RASSF2: variants seen among roughly 807,000 people sequenced by gnomAD.
RASSF2 encodes the protein Ras association domain family member 2.
Under a neutral mutation model 46.3 loss-of-function variants are expected in RASSF2, and 34 were observed. That is an observed-to-expected ratio of 0.73 (90% confidence interval 0.56 to 0.98). The LOEUF is 0.98. Ranked by LOEUF, RASSF2 falls within the 50% of genes least tolerant of loss-of-function variation. RASSF2 has a pLI of 0.00. For synonymous variants in RASSF2, 158 were observed against 162.5 expected (o/e 0.97, Z 0.21); for missense variants, 364 against 431.2 (o/e 0.84, Z 1.38).
chr20:4,793,017 T>C (rs1926035224), intron 5 of RASSF2: 1 of 189,804 alleles, frequency 5.3e-6, no homozygotes, highest in Non-Finnish European at 1.1e-5. Flanking sequence ...ATAGTGGCCA[T>C]TCGTTTTGCA....
At chr20:4,821,505 A>T (rs1326410377) in intron 2 of RASSF2, among the ~76,000 whole-genome samples, 1 of 152,154 alleles carries the variant, frequency 6.6e-6, no homozygotes, top group African/African-American at 2.4e-5. Context: ...GGCCATCACC[A>T]TTCCAACCCA....
intron 1 of RASSF2, among the ~76,000 whole-genome samples, chr20:4,822,995 C>T (rs1047243955): frequency 1.3e-5 from 2 of 152,178 alleles, no homozygotes; most frequent in African/African-American, 2.4e-5. Flanking sequence ...AAGGACGCCC[C>T]CAGGGGTCGT....
rs966964049 is a variant in RASSF2, at chr20:4,790,286, C to A, written c.537+165G>T. On this transcript the variant is annotated intron_variant, in intron 7 of 11. Coordinates refer to ENST00000379400, the MANE Select transcript of RASSF2 (RefSeq NM_014737.3). The surrounding 1 kb of genome is among the most constrained non-coding windows in gnomAD (Gnocchi z 4.3). ...TTCTGACCTGGGGTCCCTCAGCCCTCAGGAAGCCAGCAGGGCTTGCAGCCC... is the reference window on the plus strand; with the variant it reads ...TTCTGACCTGGGGTCCCTCAGCCCTAAGGAAGCCAGCAGGGCTTGCAGCCC... Among the ~76,000 whole-genome samples, 2 of 152,214 alleles carry A rather than the reference C, an allele frequency of 1.3e-5. No homozygotes were observed. The highest frequency in any genetic ancestry group is 2.9e-5 in the Non-Finnish European group (2 of 68,036).
At chr20:4,794,729 A>G (rs1201350068) in intron 5 of RASSF2, among the ~76,000 whole-genome samples, 5 of 152,166 alleles carry the variant, frequency 3.3e-5, no homozygotes, top group African/African-American at 1.2e-4. Context: ...AAACAAAAAT[A>G]TGGTGATAGT....
intron 2 of RASSF2, among the ~76,000 whole-genome samples, chr20:4,808,486 CTTT>C (rs11431404): frequency 6.1e-5 from 8 of 131,616 alleles, no homozygotes; most frequent in East Asian, 2.2e-4. Context: ...TTACACAAAT[CTTT>C]TTTTTTTTTT....
intron 2 of RASSF2, among the ~76,000 whole-genome samples, chr20:4,807,498 C>G (rs1323352290): frequency 6.6e-6 from 1 of 152,152 alleles, no homozygotes; most frequent in African/African-American, 2.4e-5. Context: ...GCAAAGGACA[C>G]GCACAGTAGT....
chr20:4,792,814 C>G (rs983608864), intron 5 of RASSF2, among the ~76,000 whole-genome samples, 187 bp from the exon 6 acceptor site: 2 of 152,176 alleles, frequency 1.3e-5, no homozygotes, highest in Non-Finnish European at 2.9e-5. Context: ...AAGGCTGGCC[C>G]AGCTCCCAGG....
intron 11 of RASSF2, among the ~76,000 whole-genome samples, chr20:4,785,171 A>AAAG (rs1555788464): frequency 6.6e-6 from 1 of 151,198 alleles, no homozygotes; most frequent in African/African-American, 2.4e-5. Context: ...AAAAAAAAAA[A>AAAG]AAAGAAAGAA....
intron 1 of RASSF2, among the ~76,000 whole-genome samples, 175 bp downstream of exon 1, chr20:4,823,382 G>A (rs1928853710): frequency 6.6e-6 from 1 of 152,098 alleles, no homozygotes; most frequent in South Asian, 2.1e-4. Context: ...TGGGGGCGCC[G>A]CGGCTGGGGG....
chr20:4,813,203 G>A (rs769374405), intron 2 of RASSF2, among the ~76,000 whole-genome samples: 1 of 152,108 alleles, frequency 6.6e-6, no homozygotes, highest in Non-Finnish European at 1.5e-5. Context: ...GCCCCTTCCT[G>A]GCAAGCTACC....
At chr20:4,820,916 T>C (rs1928648626) in intron 2 of RASSF2, among the ~76,000 whole-genome samples, 1 of 152,086 alleles carries the variant, frequency 6.6e-6, no homozygotes, top group African/African-American at 2.4e-5. Context: ...CCTGCCAAAA[T>C]ATCCTAAAGA....
At chr20:4,801,498 C>T (rs1926866561) in intron 2 of RASSF2, among the ~76,000 whole-genome samples, 1 of 152,186 alleles carries the variant, frequency 6.6e-6, no homozygotes, top group African/African-American at 2.4e-5. Flanking sequence ...TGCGAGAAAT[C>T]ACAGTATGTG....
At chr20:4,802,338 A>G (rs1309906624) in intron 2 of RASSF2, among the ~76,000 whole-genome samples, 1 of 152,132 alleles carries the variant, frequency 6.6e-6, no homozygotes, top group African/African-American at 2.4e-5. Context: ...CCCAGTGATG[A>G]TGACCAAAAC....
chr20:4,810,498 C>T (rs549893887), intron 2 of RASSF2, among the ~76,000 whole-genome samples: 3 of 152,278 alleles, frequency 2.0e-5, no homozygotes, highest in East Asian at 1.9e-4. Flanking sequence ...GCCTGGAGAA[C>T]GTGCCACCTT....
intron 10 of RASSF2, among the ~76,000 whole-genome samples, 162 bp downstream of exon 10, chr20:4,787,471 T>C (rs1925457208): frequency 6.6e-6 from 1 of 152,150 alleles, no homozygotes; most frequent in Admixed American, 6.6e-5. Flanking sequence ...TTTGGAGATG[T>C]TTGTTACTCT....
At position 4,786,213 on chromosome 20, in the gene RASSF2, C is replaced by T. The variant is rs766296729; in HGVS notation, c.911+18G>A. On this transcript the variant is annotated intron_variant, in intron 11 of 11. Coordinates refer to ENST00000379400, the MANE Select transcript of RASSF2 (RefSeq NM_014737.3). The stretch of plus-strand genomic sequence containing the variant: ...GCCCCAGGAGAAGTGCACCCAGTGC[C>T]CCAGAAGCCACACTTACTTGCGCAT... The T allele has an allele frequency of 2.5e-6, 4 of 1,583,500 alleles. No homozygotes were observed. The highest frequency in any genetic ancestry group is 1.7e-5 in the Admixed American group (1 of 59,954).
chr20:4,812,959 C>T lies in RASSF2; in HGVS notation c.-33+9370G>A, dbSNP rs373762673. 2.0e-5 allele frequency among the ~76,000 whole-genome samples: 3 copies of T among 152,224 alleles called. No individual in the cohort carries two copies. Among genetic ancestry groups the T allele is most frequent in the Middle Eastern group, 3.4e-3 (1 of 294 alleles). On this transcript the variant is annotated intron_variant, in intron 2 of 11. Coordinates refer to ENST00000379400, the MANE Select transcript of RASSF2 (RefSeq NM_014737.3). This position sits in a 1 kb window ranked among gnomAD's most constrained non-coding sequence, Gnocchi z 4.0. ...ATGGGAGGCGAGTGAGTGACCAGCC[C>T]AGAGGACAAGCTGTGGGAAAAGCAG...
intron 6 of RASSF2, among the ~76,000 whole-genome samples, chr20:4,791,289 T>C (rs1002972616): frequency 1.1e-4 from 16 of 152,088 alleles, no homozygotes; most frequent in African/African-American, 3.9e-4. Flanking sequence ...GTTTAATGGG[T>C]ACAGAGTTTC....
intron 2 of RASSF2, among the ~76,000 whole-genome samples, chr20:4,809,170 G>C (rs1167371760): frequency 6.6e-6 from 1 of 152,206 alleles, no homozygotes; most frequent in Non-Finnish European, 1.5e-5. Flanking sequence ...GTGGAATTCA[G>C]CTGGTTACTT....
Sources: allele counts gnomAD v4.1 joint callset (sites outside exome capture counted in the v4.1 genomes callset), GRCh38; gene constraint gnomAD v4.1.1; non-coding constraint Gnocchi (gnomAD v3.1); transcripts MANE v1.5; gene names NCBI Gene and HGNC (gene_info 2026-07-23, HGNC 2026-07-21).